The following EXOC2 variants were observed in gnomAD, a reference collection of about 807,000 sequenced individuals.
EXOC2 encodes the protein exocyst complex component 2.
EXOC2 carries 70 observed loss-of-function variants against 131.8 expected under a neutral mutation model. The observed-to-expected ratio is 0.53, with a 90% CI of 0.44 to 0.65. The LOEUF (loss-of-function observed/expected upper bound fraction) is 0.65. Ranked by LOEUF, EXOC2 falls within the 30% of genes least tolerant of loss-of-function variation. The pLI is 0.00. For synonymous variants in EXOC2, 411 were observed against 398.4 expected (o/e 1.03, Z -0.38); for missense variants, 923 against 1,108.6 (o/e 0.83, Z 2.38).
chr6:495,848 T>C (rs1763702657), intron 25 of EXOC2, among the ~76,000 whole-genome samples: 1 of 152,268 alleles, frequency 6.6e-6, no homozygotes, highest in Non-Finnish European at 1.5e-5. Flanking sequence ...ATTACATGCA[T>C]GCTGGATATT....
At chr6:578,214 G>A (rs184903297) in intron 11 of EXOC2, among the ~76,000 whole-genome samples, 94 of 152,170 alleles carry the variant, frequency 6.2e-4, no homozygotes, top group African/African-American at 2.2e-3. Flanking sequence ...TTGTTTTCAG[G>A]TGCTAATATA....
intron 2 of EXOC2, among the ~76,000 whole-genome samples, chr6:636,831 T>G (rs1762124556): frequency 6.6e-6 from 1 of 152,228 alleles, no homozygotes; most frequent in Non-Finnish European, 1.5e-5. Flanking sequence ...GCCATAAAAT[T>G]ATACTTAAAA....
chr6:590,991 C>T (rs1285413296), intron 11 of EXOC2, among the ~76,000 whole-genome samples: 1 of 152,190 alleles, frequency 6.6e-6, no homozygotes, highest in African/African-American at 2.4e-5. Flanking sequence ...CTCAGTGGCA[C>T]CATCACCCTA....
intron 1 of EXOC2, among the ~76,000 whole-genome samples, chr6:652,062 A>AC (rs901394801): frequency 5.3e-5 from 8 of 152,110 alleles, no homozygotes; most frequent in Non-Finnish European, 8.8e-5. Flanking sequence ...TCTCAAAAAA[A>AC]AAAAAAAAAC....
intron 1 of EXOC2, chr6:656,970 G>A (rs201557221): frequency 8.0e-6 from 12 of 1,490,712 alleles, no homozygotes; most frequent in Non-Finnish European, 1.1e-5. Context: ...GCAGCTGGGG[G>A]CCTCTGAGGG....
intron 21 of EXOC2, 106 bp from the exon 22 acceptor site, chr6:549,397 A>G: frequency 1.3e-6 from 1 of 763,456 alleles, no homozygotes; most frequent in Non-Finnish European, 2.2e-6. Context: ...TAACGTCAAT[A>G]TCCAATGCTT....
At chr6:656,921 G>A (rs893878017) in intron 1 of EXOC2, 3 of 1,533,256 alleles carry the variant, frequency 2.0e-6, no homozygotes, top group East Asian at 2.4e-5. Flanking sequence ...AGCCTTTGCC[G>A]GTGATCTTGG....
chr6:503,039 T>A (rs375386231), intron 23 of EXOC2, among the ~76,000 whole-genome samples: 12 of 152,234 alleles, frequency 7.9e-5, no homozygotes, highest in Non-Finnish European at 1.5e-5. Flanking sequence ...GCTGCCATCA[T>A]AACCTCCCAG....
chr6:683,996 T>C (rs975855280), intron 1 of EXOC2, among the ~76,000 whole-genome samples: 1 of 152,190 alleles, frequency 6.6e-6, no homozygotes, highest in Non-Finnish European at 1.5e-5. Context: ...CTGGGCACAA[T>C]TCCGGCATCC....
At chr6:546,649 T>C (rs529316275) in intron 22 of EXOC2, among the ~76,000 whole-genome samples, 349 of 152,342 alleles carry the variant, frequency 2.3e-3, no homozygotes, top group African/African-American at 7.7e-3. Flanking sequence ...ATGAAGACCT[T>C]CATAATAATT....
intron 17 of EXOC2, among the ~76,000 whole-genome samples, chr6:557,486 C>T (rs1240291923): frequency 6.6e-5 from 10 of 151,948 alleles, no homozygotes; most frequent in African/African-American, 2.4e-4. Flanking sequence ...GGCGTGGTGG[C>T]ACGCGCCTGT....
intron 25 of EXOC2, among the ~76,000 whole-genome samples, chr6:492,756 A>G (rs750695572): frequency 3.9e-5 from 6 of 152,182 alleles, no homozygotes; most frequent in Non-Finnish European, 7.4e-5. Context: ...GTGGTTTGGG[A>G]GGCAAATGAT....
intron 23 of EXOC2, among the ~76,000 whole-genome samples, chr6:510,856 G>T (rs1240659324): frequency 6.6e-6 from 1 of 152,160 alleles, no homozygotes; most frequent in Non-Finnish European, 1.5e-5. Context: ...GGAAACTTCA[G>T]TTAGAAAAGT....
At chr6:657,799 T>C (rs80062449) in intron 1 of EXOC2, among the ~76,000 whole-genome samples, 1,930 of 152,030 alleles carry the variant, frequency 0.013, 39 homozygotes, top group African/African-American at 0.044. Context: ...TTGCACTGTG[T>C]GTGAATTCCA....
intron 11 of EXOC2, among the ~76,000 whole-genome samples, chr6:590,254 C>T (rs1457487324): frequency 4.6e-5 from 7 of 152,156 alleles, no homozygotes; most frequent in African/African-American, 1.7e-4. Context: ...TTCCCAAAGA[C>T]TGCAGACTGT....
At chr6:546,733 CA>C (rs1248192676) in intron 22 of EXOC2, among the ~76,000 whole-genome samples, 1 of 152,186 alleles carries the variant, frequency 6.6e-6, no homozygotes, top group Non-Finnish European at 1.5e-5. Flanking sequence ...CTCTTTTCTC[CA>C]GCTTACTATA....
intron 4 of EXOC2, among the ~76,000 whole-genome samples, chr6:620,546 T>C (rs145747249): frequency 2.6e-5 from 4 of 152,128 alleles, no homozygotes; most frequent in Non-Finnish European, 4.4e-5. Context: ...TTTGATAGGG[T>C]AGTATCTCTT....
intron 21 of EXOC2, among the ~76,000 whole-genome samples, chr6:550,800 G>T (rs1011733363): frequency 6.6e-6 from 1 of 152,112 alleles, no homozygotes; most frequent in Non-Finnish European, 1.5e-5. Context: ...CATGCTGTTC[G>T]CCTCAAAAAC....
intron 23 of EXOC2, among the ~76,000 whole-genome samples, chr6:523,690 T>G (rs955261536): frequency 6.6e-6 from 1 of 152,210 alleles, no homozygotes; most frequent in African/African-American, 2.4e-5. Context: ...TTAAAAAAAT[T>G]GTTTGTTTTT....
Sources: allele counts gnomAD v4.1 joint callset (sites outside exome capture counted in the v4.1 genomes callset), GRCh38; gene constraint gnomAD v4.1.1; transcripts MANE v1.5; gene names NCBI Gene and HGNC (gene_info 2026-07-23, HGNC 2026-07-21).